Variants in PRKAG2 observed in about 807,000 individuals in gnomAD.
PRKAG2 encodes protein kinase AMP-activated non-catalytic subunit gamma 2.
Under a neutral mutation model 69.6 loss-of-function variants are expected in PRKAG2, and 26 were observed. The ratio of observed to expected loss-of-function variants is 0.37; its 90% confidence interval spans 0.27 to 0.52. PRKAG2 has a LOEUF of 0.52. Ranked by LOEUF, PRKAG2 falls within the 20% of genes least tolerant of loss-of-function variation. PRKAG2 has a pLI of 0.90. For synonymous variants in PRKAG2, 293 were observed against 285.0 expected, an observed-to-expected ratio of 1.03 and a Z score of -0.28; for missense variants, 557 against 740.0, an observed-to-expected ratio of 0.75 and a Z score of 2.87.
chr7:151,790,148 G>A (rs1262656616), intron 1 of PRKAG2, among the ~76,000 whole-genome samples: 6 of 151,954 alleles, frequency 3.9e-5, no homozygotes, highest in Non-Finnish European at 7.4e-5. Context: ...CATGAAGCCC[G>A]GCCCATAGCA....
chr7:151,838,737 A>G (rs541644637), intron 1 of PRKAG2, among the ~76,000 whole-genome samples: 164 of 150,530 alleles, frequency 1.1e-3, no homozygotes, highest in African/African-American at 3.7e-3. Flanking sequence ...AAAGAAGGCC[A>G]GGCACAGTGG....
Position 151,814,899 on chromosome 7 carries a change from G to A in PRKAG2, c.115-28358C>T, listed in dbSNP as rs1451720970. On this transcript the variant is annotated intron_variant, in intron 1 of 15. Transcript: ENST00000287878. The surrounding 1 kb of genome is among the most constrained non-coding windows in gnomAD (Gnocchi z 4.8). ...TTACCACACAGCAAGCCAGCAGGAGGGAGGGCTGGACCGGAGCTTTTAAAA... is the reference window on the plus strand; with the variant it reads ...TTACCACACAGCAAGCCAGCAGGAGAGAGGGCTGGACCGGAGCTTTTAAAA... The A allele has an allele frequency of 1.6e-6, 2 of 1,229,762 alleles. No individual in the cohort carries two copies. The highest frequency in any genetic ancestry group is 2.0e-6 in the Non-Finnish European group (2 of 986,322). 76.2% of individuals were successfully genotyped at this position (1,229,762 alleles called of 1,614,324 possible). A position where few individuals can be genotyped will look rare whatever the true frequency, so the allele number is the denominator to read the frequency against.
intron 1 of PRKAG2, among the ~76,000 whole-genome samples, chr7:151,795,877 ATATATATATATAT>A (rs2077500794): frequency 2.6e-5 from 3 of 114,974 alleles, no homozygotes; most frequent in African/African-American, 1.1e-4. Context: ...ATATATATAT[ATATATATATATAT>A]CACGATAATA....
At chr7:151,752,273 C>G (rs377589053) in intron 3 of PRKAG2, among the ~76,000 whole-genome samples, 1 of 152,130 alleles carries the variant, frequency 6.6e-6, no homozygotes, top group African/African-American at 2.4e-5. Flanking sequence ...GAGCTGGAGG[C>G]GATCATCCTT....
chr7:151,633,022 A>C (rs1049488865), intron 4 of PRKAG2: 1 of 152,232 alleles, frequency 6.6e-6, no homozygotes, highest in African/African-American at 2.4e-5. Flanking sequence ...GGACAGGCCG[A>C]GAGGGGACTG....
chr7:151,569,937 C>T (rs1312875028), intron 10 of PRKAG2, among the ~76,000 whole-genome samples: 1 of 152,192 alleles, frequency 6.6e-6, no homozygotes, highest in African/African-American at 2.4e-5. Context: ...CCGAGATCTT[C>T]GTGATGGTTT....
At chr7:151,846,409 G>A (rs145499729) in intron 1 of PRKAG2, among the ~76,000 whole-genome samples, 3,864 of 152,078 alleles carry the variant, frequency 0.025, 58 homozygotes, top group African/African-American at 0.036. Context: ...CAGAGGTTGC[G>A]GTGAGCCAAG....
chr7:151,716,956 A>C (rs529652214), intron 3 of PRKAG2, among the ~76,000 whole-genome samples: 80 of 152,266 alleles, frequency 5.3e-4, no homozygotes, highest in Admixed American at 1.7e-3. Context: ...CAAAAGAGGG[A>C]AAGAGGTGGG....
chr7:151,625,559 G>T (rs557288916), intron 5 of PRKAG2, among the ~76,000 whole-genome samples: 1 of 152,180 alleles, frequency 6.6e-6, no homozygotes, highest in Non-Finnish European at 1.5e-5. Flanking sequence ...TTAATTGGAG[G>T]GGGCAGAGCA....
chr7:151,557,631 A>T (rs749681223), intron 15 of PRKAG2: 511 of 874,746 alleles, frequency 5.8e-4, no homozygotes, highest in Non-Finnish European at 6.5e-4. Context: ...GCACTTTGGG[A>T]GGCCGAGGCG....
At chr7:151,624,135 AGCGT>A (rs752365406) in intron 5 of PRKAG2, among the ~76,000 whole-genome samples, 1 of 107,604 alleles carries the variant, frequency 9.3e-6, no homozygotes, top group Admixed American at 9.1e-5. Flanking sequence ...GACAGAAGGC[AGCGT>A]GTGTGTGTGT....
chr7:151,601,345 T>C (rs1487716840), intron 5 of PRKAG2, among the ~76,000 whole-genome samples: 1 of 152,206 alleles, frequency 6.6e-6, no homozygotes, highest in Non-Finnish European at 1.5e-5. Flanking sequence ...GACTGTGTAT[T>C]TCTAATATTT....
At chr7:151,834,794 A>C (rs77041940) in intron 1 of PRKAG2, among the ~76,000 whole-genome samples, 33,518 of 152,208 alleles carry the variant, frequency 0.22, 4,125 homozygotes, top group Middle Eastern at 0.31. Flanking sequence ...GGGGGCTTTG[A>C]ACAACAGAAA....
rs567916126 is a variant in PRKAG2 at position 151,836,492 on chromosome 7, C to T, written c.114+40015G>A. Among the ~76,000 whole-genome samples the T allele has an allele frequency of 1.3e-5, 2 of 152,304 alleles. No individual in the cohort carries two copies. Among genetic ancestry groups the T allele is most frequent in the South Asian group, 4.1e-4 (2 of 4,826 alleles). On this transcript the variant is annotated intron_variant, in intron 1 of 15. Coordinates refer to ENST00000287878, the MANE Select transcript of PRKAG2 (RefSeq NM_016203.4). This position sits in a 1 kb window ranked among gnomAD's most constrained non-coding sequence, Gnocchi z 4.1. Reference sequence around the variant, plus strand: ...CAGTCACCAAAACAAGAAACAAAAACAACAACAACAACAAAGGCAAGGTGG... The same window carrying T: ...CAGTCACCAAAACAAGAAACAAAAATAACAACAACAACAAAGGCAAGGTGG...
chr7:151,652,262 C>G (rs536202333), intron 4 of PRKAG2, among the ~76,000 whole-genome samples: 25 of 152,156 alleles, frequency 1.6e-4, no homozygotes, highest in African/African-American at 4.8e-4. Context: ...TTTTTCCAAC[C>G]GCCTATCTGT....
chr7:151,786,974 G>A (rs1189872643), intron 1 of PRKAG2, among the ~76,000 whole-genome samples: 1 of 152,210 alleles, frequency 6.6e-6, no homozygotes, highest in Non-Finnish European at 1.5e-5. Context: ...TGACACTGGG[G>A]TGGCGGCTGA....
chr7:151,805,619 T>C (rs1032472613), intron 1 of PRKAG2, among the ~76,000 whole-genome samples: 1 of 152,180 alleles, frequency 6.6e-6, no homozygotes, highest in Non-Finnish European at 1.5e-5. Context: ...AGTTAACATA[T>C]AGAAGTATAG....
chr7:151,609,884 T>C (rs1472915332), intron 5 of PRKAG2, among the ~76,000 whole-genome samples: 1 of 152,210 alleles, frequency 6.6e-6, no homozygotes. Flanking sequence ...GCCCACCATT[T>C]GGGGCTCCCT....
At chr7:151,636,728 G>C (rs926822128) in intron 4 of PRKAG2, among the ~76,000 whole-genome samples, 1 of 151,898 alleles carries the variant, frequency 6.6e-6, no homozygotes, top group Non-Finnish European at 1.5e-5. Context: ...GTTTTGAAAT[G>C]GAGTCTCACT....
Sources: allele counts gnomAD v4.1 joint callset (sites outside exome capture counted in the v4.1 genomes callset), GRCh38; gene constraint gnomAD v4.1.1; non-coding constraint Gnocchi (gnomAD v3.1); transcripts MANE v1.5; gene names NCBI Gene and HGNC (gene_info 2026-07-23, HGNC 2026-07-21).